Variants in CWC27 observed in about 807,000 individuals in gnomAD.
CWC27 encodes the protein spliceosome-associated protein CWC27 homolog.
CWC27 carries 47 observed loss-of-function variants against 63.6 expected under a neutral mutation model. That is an observed-to-expected ratio of 0.74 (90% CI 0.58 to 0.94). CWC27 has a LOEUF of 0.94. CWC27 is among the 40% of genes least tolerant of loss of function. The probability of loss-of-function intolerance (pLI) is 0.00; values close to 1 mark genes in which losing one functional copy is unlikely to be tolerated. For missense variants in CWC27, 495 were observed against 554.3 expected, an observed-to-expected ratio of 0.89 and a Z score of 1.07; for synonymous variants, 175 against 179.8, an observed-to-expected ratio of 0.97 and a Z score of 0.22.
chr5:64,838,409 G>GATTATGTATATACAATATACAT (rs1561429067), intron 10 of CWC27, among the ~76,000 whole-genome samples: 1 of 151,920 alleles, frequency 6.6e-6, no homozygotes, highest in African/African-American at 2.4e-5. Flanking sequence ...ACAATATACA[G>GATTATGTATATACAATATACAT]ATAGGGTTCC....
chr5:64,917,406 A>G lies in CWC27; in HGVS notation c.1042+31860A>G, dbSNP rs1338198944. ...GCTCTCAACTGCTTCAGGAAAATTG[A>G]ATTATGTTAGTTTTTCCAAGGAAGG... is the stretch of plus-strand genomic sequence containing the variant. On this transcript the variant is annotated intron_variant, in intron 11 of 13. Coordinates refer to ENST00000381070, the MANE Select transcript of CWC27 (RefSeq NM_005869.4). 4.6e-5 allele frequency among the ~76,000 whole-genome samples: 7 copies of G among 152,176 alleles called. No homozygotes were observed. The East Asian group carries it at 1.4e-3, about 29-fold the overall frequency.
At chr5:64,939,243 A>G (rs986103418) in intron 11 of CWC27, among the ~76,000 whole-genome samples, 1 of 152,034 alleles carries the variant, frequency 6.6e-6, no homozygotes, top group Non-Finnish European at 1.5e-5. Context: ...ATCTTCCTGG[A>G]TTTACCTACC....
At chr5:64,994,408 T>C (rs1483362494) in intron 13 of CWC27, among the ~76,000 whole-genome samples, 1 of 152,210 alleles carries the variant, frequency 6.6e-6, no homozygotes, top group Non-Finnish European at 1.5e-5. Flanking sequence ...TTATAAGCCT[T>C]TCATCAGTGA....
intron 10 of CWC27, among the ~76,000 whole-genome samples, chr5:64,820,226 C>T (rs772180599): frequency 1.8e-4 from 28 of 152,154 alleles, no homozygotes; most frequent in Non-Finnish European, 3.5e-4. Flanking sequence ...CCTTACAAAG[C>T]TGTAAATCTG....
chr5:64,992,592 C>T (rs896760039), intron 13 of CWC27, among the ~76,000 whole-genome samples: 7 of 151,354 alleles, frequency 4.6e-5, no homozygotes, highest in East Asian at 1.9e-4. Flanking sequence ...AGTGCAGTGG[C>T]GCTATCTCGG....
chr5:64,773,731 A>C (rs906320076), intron 1 of CWC27: 1 of 152,192 alleles, frequency 6.6e-6, no homozygotes, highest in Non-Finnish European at 1.5e-5. Context: ...TTAGAGCCTA[A>C]CATTCTTTTT....
chr5:64,801,071 T>C (rs1233246250), intron 8 of CWC27, among the ~76,000 whole-genome samples: 1 of 152,166 alleles, frequency 6.6e-6, no homozygotes, highest in Non-Finnish European at 1.5e-5. Flanking sequence ...TTTTTTCCTT[T>C]CAAATTCTAG....
chr5:64,954,144 C>T (rs904156388), intron 11 of CWC27, among the ~76,000 whole-genome samples: 4 of 152,134 alleles, frequency 2.6e-5, no homozygotes, highest in Non-Finnish European at 4.4e-5. Flanking sequence ...ATTCCTGTGT[C>T]TAACTTCGGT....
intron 11 of CWC27, among the ~76,000 whole-genome samples, chr5:64,962,058 C>T (rs1748920532): frequency 1.3e-5 from 2 of 152,124 alleles, no homozygotes; most frequent in African/African-American, 2.4e-5. Flanking sequence ...ATTAGAAAAA[C>T]AGAATTATTT....
At chr5:64,995,951 GC>G (rs1749623092) in intron 13 of CWC27, among the ~76,000 whole-genome samples, 1 of 152,134 alleles carries the variant, frequency 6.6e-6, no homozygotes, top group African/African-American at 2.4e-5. Context: ...CTGAATTGCA[GC>G]CCCAGTGCCA....
intron 13 of CWC27, among the ~76,000 whole-genome samples, chr5:65,016,103 C>G (rs1252350930): frequency 6.6e-6 from 1 of 152,124 alleles, no homozygotes. Context: ...CCATGGCTGT[C>G]GAACAGTCAG....
chr5:64,911,125 C>G (rs1747777266), intron 11 of CWC27, among the ~76,000 whole-genome samples: 1 of 152,190 alleles, frequency 6.6e-6, no homozygotes, highest in African/African-American at 2.4e-5. Context: ...TTGGACGTCT[C>G]TCTGATCTGC....
At chr5:64,863,477 C>T (rs1358305216) in intron 10 of CWC27, among the ~76,000 whole-genome samples, 2 of 151,872 alleles carry the variant, frequency 1.3e-5, no homozygotes, top group African/African-American at 2.4e-5. Context: ...CTCTTCCCAT[C>T]CCCTCTCCTC....
intron 3 of CWC27, among the ~76,000 whole-genome samples, chr5:64,783,510 G>A (rs1485286439): frequency 6.6e-6 from 1 of 152,162 alleles, no homozygotes; most frequent in Non-Finnish European, 1.5e-5. Context: ...AGAAATAATA[G>A]AAGATTTCAA....
At chr5:64,945,866 G>A (rs754460802) in intron 11 of CWC27, among the ~76,000 whole-genome samples, 4 of 152,118 alleles carry the variant, frequency 2.6e-5, no homozygotes, top group Non-Finnish European at 5.9e-5. Context: ...TTTTTAACCT[G>A]TCATTTGAAT....
At chr5:65,015,404 A>G (rs1220649455) in intron 13 of CWC27, among the ~76,000 whole-genome samples, 2 of 152,210 alleles carry the variant, frequency 1.3e-5, no homozygotes, top group Admixed American at 6.5e-5. Flanking sequence ...TCTCATATCA[A>G]TCCAGGAGTA....
chr5:64,850,551 AATAGAT>A (rs2112296143), intron 10 of CWC27, among the ~76,000 whole-genome samples: 1 of 152,314 alleles, frequency 6.6e-6, no homozygotes, highest in East Asian at 1.9e-4. Context: ...CAAACGCAAA[AATAGAT>A]AAGTGGGATT....
At chr5:64,826,017 A>T (rs529860619) in intron 10 of CWC27, among the ~76,000 whole-genome samples, 1 of 152,300 alleles carries the variant, frequency 6.6e-6, no homozygotes, top group Admixed American at 6.5e-5. Flanking sequence ...TGCTTGCTCT[A>T]CAGGTTTCAG....
At chr5:64,792,638 T>C (rs1327987641) in intron 7 of CWC27, among the ~76,000 whole-genome samples, 1 of 152,208 alleles carries the variant, frequency 6.6e-6, no homozygotes, top group Admixed American at 6.6e-5. Flanking sequence ...TGACTGTGTT[T>C]GCATTGTACA....
Sources: allele counts gnomAD v4.1 joint callset (sites outside exome capture counted in the v4.1 genomes callset), GRCh38; gene constraint gnomAD v4.1.1; transcripts MANE v1.5; gene names NCBI Gene and HGNC (gene_info 2026-07-23, HGNC 2026-07-21).